The following ITPR3 variants were observed in gnomAD, a reference collection of about 807,000 sequenced individuals.
The protein encoded by ITPR3 is inositol 1,4,5-trisphosphate receptor type 3.
In ITPR3, 173 loss-of-function variants were observed where a neutral mutation model predicts 293.2. That is an observed-to-expected ratio of 0.59 (90% CI 0.52 to 0.67). ITPR3 has a LOEUF of 0.67. Ranked by LOEUF, ITPR3 falls within the 30% of genes least tolerant of loss-of-function variation. The pLI is 0.00. For synonymous variants in ITPR3, 1,295 were observed against 1,444.4 expected (o/e 0.90, Z 2.35); for missense variants, 2,796 against 3,592.1 (o/e 0.78, Z 5.66).
intron 1 of ITPR3, among the ~76,000 whole-genome samples, chr6:33,634,940 A>G (rs921304658): frequency 6.6e-6 from 1 of 151,952 alleles, no homozygotes; most frequent in Admixed American, 6.5e-5. Context: ...TTCCCCCGCT[A>G]CAAGGCCCTG....
intron 2 of ITPR3, among the ~76,000 whole-genome samples, chr6:33,641,992 G>T (rs545416778): frequency 6.6e-6 from 1 of 152,256 alleles, no homozygotes; most frequent in South Asian, 2.1e-4. Context: ...TAGAATGTCA[G>T]TTCCACCAGG....
chr6:33,621,563 T>TAGGCGCCCCC lies in ITPR3; in HGVS notation c.-39_-30dup, dbSNP rs757816548. 681 of 1,501,844 alleles carry TAGGCGCCCCC rather than the reference T, an allele frequency of 4.5e-4. No individual in the cohort carries two copies. Among genetic ancestry groups the TAGGCGCCCCC allele is most frequent in the Non-Finnish European group, 5.7e-4 (622 of 1,098,652 alleles). 93.0% of individuals were successfully genotyped at this position (1,501,844 alleles called of 1,614,324 possible). On this transcript the variant is annotated 5_prime_UTR_variant, in exon 1 of 58. Coordinates refer to ENST00000605930, the MANE Select transcript of ITPR3 (RefSeq NM_002224.4). This position sits in a 1 kb window ranked among gnomAD's most constrained non-coding sequence, Gnocchi z 7.7. ...CGCACTGAGCTTGGCCACGCGCCCC[T>TAGGCGCCCCC]AGGCGCCCCCCACGCCCTGGGCCCC... is the stretch of plus-strand genomic sequence containing the variant.
At position 33,678,844 on chromosome 6, in the gene ITPR3, G is replaced by A; in HGVS notation, c.3972+5G>A. On this transcript the variant is annotated splice_donor_5th_base_variant and intron_variant, in intron 30 of 57. Coordinates refer to ENST00000605930, the MANE Select transcript of ITPR3 (RefSeq NM_002224.4). ...CAGGACATGATCATGACTGAGGTGA[G>A]GGCGGGGCTGAGGGGTGCTCAGGCA... The A allele has an allele frequency of 6.2e-7, 1 of 1,611,176 alleles. No individual in the cohort carries two copies. Among genetic ancestry groups the A allele is most frequent in the Non-Finnish European group, 8.5e-7 (1 of 1,178,858 alleles).
intron 2 of ITPR3, among the ~76,000 whole-genome samples, chr6:33,650,857 C>T (rs142349023): frequency 2.9e-4 from 44 of 151,226 alleles, no homozygotes; most frequent in African/African-American, 9.5e-4. Context: ...GTGATGTCTG[C>T]GTCTGAAGTC....
At chr6:33,628,304 G>C (rs925193929) in intron 1 of ITPR3, among the ~76,000 whole-genome samples, 1 of 152,212 alleles carries the variant, frequency 6.6e-6, no homozygotes, top group African/African-American at 2.4e-5. Flanking sequence ...AACCTGGGGT[G>C]GGGGAAGGAG....
intron 25 of ITPR3, among the ~76,000 whole-genome samples, chr6:33,676,133 A>G (rs1211956432): frequency 6.6e-6 from 1 of 152,192 alleles, no homozygotes; most frequent in Non-Finnish European, 1.5e-5. Flanking sequence ...GACAACCCTC[A>G]CTGACGTGAC....
intron 1 of ITPR3, among the ~76,000 whole-genome samples, chr6:33,639,046 TAGTG>T (rs66731328): frequency 0.13 from 20,370 of 151,914 alleles, 1,803 homozygotes; most frequent in Middle Eastern, 0.22. Context: ...GGCAAGGAAA[TAGTG>T]AGGCTAGCTA....
chr6:33,648,178 A>C (rs1369040065), intron 2 of ITPR3, among the ~76,000 whole-genome samples: 1 of 144,238 alleles, frequency 6.9e-6, no homozygotes, highest in Non-Finnish European at 1.5e-5. Context: ...CCATCCTCCC[A>C]CCTCAGCCTC....
rs577957501 is a variant in ITPR3 at position 33,633,229 on chromosome 6, T to A, written c.90-7255T>A. On this transcript the variant is annotated intron_variant, in intron 1 of 57. Coordinates refer to ENST00000605930, the MANE Select transcript of ITPR3 (RefSeq NM_002224.4). The surrounding 1 kb of genome is among the most constrained non-coding windows in gnomAD (Gnocchi z 5.2). ...ATGGCAGGAGTGGGATGGGGCGTCA[T>A]CCTAGTAGAGGCTGGACAGTGAGAG... 3.0e-4 allele frequency among the ~76,000 whole-genome samples: 46 copies of A among 152,122 alleles called. No homozygotes were observed. The highest frequency in any genetic ancestry group is 4.9e-4 in the Non-Finnish European group (33 of 67,982).
Position 33,672,056 on chromosome 6 carries a change from G to A in ITPR3, c.2756G>A (p.Gly919Asp). The change falls in exon 22 of 58, where the codon GGC becomes GAC. Residue 919 changes from glycine (G) to aspartate (D), a missense_variant. Gly to Asp is a moderately conservative substitution (Grantham distance 94, BLOSUM62 -1). Coordinates refer to ENST00000605930, the MANE Select transcript of ITPR3 (RefSeq NM_002224.4). This position sits in a 1 kb window ranked among gnomAD's most constrained non-coding sequence, Gnocchi z 5.0. The stretch of plus-strand genomic sequence containing the variant: ...AAGAATGTGCGGCGGTCCATCCAGG[G>A]CGTGGGGCACATGATGTCCACCATG... ...GGKNVRRSIQ[G>D]VGHMMSTMVL... The A allele has an allele frequency of 1.2e-6, 2 of 1,611,626 alleles. No homozygotes were observed. Among genetic ancestry groups the A allele is most frequent in the Non-Finnish European group, 1.7e-6 (2 of 1,178,546 alleles).
At chr6:33,623,330 T>TG (rs989553402) in intron 1 of ITPR3, among the ~76,000 whole-genome samples, 11 of 147,004 alleles carry the variant, frequency 7.5e-5, no homozygotes, top group African/African-American at 1.0e-4. Context: ...AGTTTTGTTT[T>TG]TTTTTTTTTT....
rs2296335 is a variant in ITPR3 at position 33,673,417 on chromosome 6, C to T, written c.2929-174C>T. Among the ~76,000 whole-genome samples the T allele has an allele frequency of 0.36, 54,247 of 151,432 alleles. 9,972 individuals carry two copies. Among genetic ancestry groups the T allele is most frequent in the African/African-American group, 0.46 (18,900 of 41,214 alleles). ...GGCCTGGGGAGAGGGGTCTTGTTTT[C>T]TTGCTGTGACATCCTGGAGCATCCC... On this transcript the variant is annotated intron_variant, in intron 22 of 57. Transcript: ENST00000605930.
Position 33,684,592 on chromosome 6 carries a change from C to T in ITPR3, c.5047-6C>T, listed in dbSNP as rs979061731. 8.1e-6 allele frequency: 13 copies of T among 1,614,068 alleles called. No homozygotes were observed. In the South Asian group the frequency reaches 9.9e-5, roughly 12 times the overall value. Reference sequence around the variant, plus strand: ...ACAATGGGGCCTCACTCCCATCCTCCCCCAGGGCAACCAGCTGCGCAAGAT... The same window carrying T: ...ACAATGGGGCCTCACTCCCATCCTCTCCCAGGGCAACCAGCTGCGCAAGAT... On this transcript the variant is annotated splice_polypyrimidine_tract_variant and splice_region_variant and intron_variant, in intron 37 of 57. Transcript: ENST00000605930. The surrounding 1 kb of genome is among the most constrained non-coding windows in gnomAD (Gnocchi z 4.2).
Position 33,677,008 on chromosome 6 carries a change from C to G in ITPR3, c.3448-7C>G, listed in dbSNP as rs775353364. 2.5e-5 allele frequency: 41 copies of G among 1,614,164 alleles called. 2 individuals carry two copies. The Admixed American group carries it at 2.8e-4, about 11-fold the overall frequency. The stretch of plus-strand genomic sequence containing the variant: ...CTGGCTGATCTCCTTCCTCTCTCTG[C>G]TTTCAGCGTCCCACGGACGAGGAGG... On this transcript the variant is annotated splice_region_variant and splice_polypyrimidine_tract_variant and intron_variant, in intron 26 of 57. Coordinates refer to ENST00000605930, the MANE Select transcript of ITPR3 (RefSeq NM_002224.4).
intron 56 of ITPR3, chr6:33,694,689 GCTGCCT>G: frequency 1.7e-5 from 9 of 544,738 alleles, no homozygotes; most frequent in Admixed American, 9.7e-5. Flanking sequence ...AGCTGCCGAC[GCTGCCT>G]AACGGAAGTC....
Position 33,692,639 on chromosome 6 carries a change from A to G in ITPR3, c.7459-89A>G. On this transcript the variant is annotated intron_variant, in intron 54 of 57. Coordinates refer to ENST00000605930, the MANE Select transcript of ITPR3 (RefSeq NM_002224.4). This position sits in a 1 kb window ranked among gnomAD's most constrained non-coding sequence, Gnocchi z 4.2. ...TTCTGCTAGGGGCTGGGTCCTCAAT[A>G]TCACAGCCCTGGCCCCAACCTGAGT... 5 of 1,347,372 alleles carry G rather than the reference A, an allele frequency of 3.7e-6. No homozygotes were observed. Among genetic ancestry groups the G allele is most frequent in the Non-Finnish European group, 5.1e-6 (5 of 972,886 alleles). 83.5% of individuals were successfully genotyped at this position (1,347,372 alleles called of 1,614,324 possible). A position where few individuals can be genotyped will look rare whatever the true frequency, so the allele number is the denominator to read the frequency against.
chr6:33,667,696 C>A lies in ITPR3; in HGVS notation c.1714-96C>A, dbSNP rs1261686729. On this transcript the variant is annotated intron_variant, in intron 15 of 57. Transcript: ENST00000605930. The surrounding 1 kb of genome is among the most constrained non-coding windows in gnomAD (Gnocchi z 4.4). ...CCTCTGCCTTTCTAGGGTATTGGGT[C>A]CTTACCTCGGGGTTTGGGGGCAGCG... The A allele has an allele frequency of 1.4e-6, 2 of 1,379,534 alleles. No homozygotes were observed. Among genetic ancestry groups the A allele is most frequent in the Non-Finnish European group, 2.0e-6 (2 of 1,000,980 alleles). The allele number at this position is 1,379,534 out of a possible 1,614,324, so 85.5% of individuals were successfully genotyped here.
intron 11 of ITPR3, 66 bp downstream of exon 11, chr6:33,663,946 G>C (rs1346676377): frequency 1.0e-5 from 16 of 1,585,922 alleles, no homozygotes; most frequent in Non-Finnish European, 1.3e-5. Context: ...CTGTCTCTGG[G>C]ACTCTCTGGA....
chr6:33,667,762 C>T lies in ITPR3; in HGVS notation c.1714-30C>T. On this transcript the variant is annotated intron_variant, in intron 15 of 57. Transcript: ENST00000605930. This position sits in a 1 kb window ranked among gnomAD's most constrained non-coding sequence, Gnocchi z 4.4. ...GGGCCCTTGGCCCACCTGTGACTCT[C>T]TGTGACCCCCAGCCTGTCTGCCCCC... 1 of 1,612,480 alleles carries T rather than the reference C, an allele frequency of 6.2e-7. No homozygotes were observed. Among genetic ancestry groups the T allele is most frequent in the Non-Finnish European group, 8.5e-7 (1 of 1,179,018 alleles).
Sources: gnomAD v4.1 joint callset for allele counts (sites outside exome capture counted in the v4.1 genomes callset) on GRCh38, gnomAD v4.1.1 for gene constraint, Gnocchi (gnomAD v3.1) non-coding constraint, MANE v1.5 for transcripts, NCBI Gene and HGNC (gene_info 2026-07-23, HGNC 2026-07-21) for gene names.